Variants in ZBTB2 observed in about 807,000 individuals in gnomAD.
The protein encoded by ZBTB2 is zinc finger and BTB domain containing 2.
A neutral mutation model predicts 39.5 loss-of-function variants in ZBTB2; 2 were observed. That is an observed-to-expected ratio of 0.05 (90% CI 0.02 to 0.16). The LOEUF (loss-of-function observed/expected upper bound fraction) is 0.16, where lower values mean the gene tolerates loss of function less well. ZBTB2 is among the 10% of genes least tolerant of loss of function. ZBTB2 has a pLI of 1.00. For synonymous variants in ZBTB2, 251 were observed against 256.6 expected, an observed-to-expected ratio of 0.98 and a Z score of 0.21; for missense variants, 391 against 653.0, an observed-to-expected ratio of 0.60 and a Z score of 4.37.
intron 2 of ZBTB2, among the ~76,000 whole-genome samples, chr6:151,373,083 A>T (rs1329468850): frequency 7.6e-6 from 1 of 131,478 alleles, no homozygotes; most frequent in Admixed American, 9.1e-5. Context: ...TGAACCCGGG[A>T]GGCGGAGCTT....
chr6:151,370,975 G>A (rs1778776773), intron 2 of ZBTB2, among the ~76,000 whole-genome samples: 2 of 152,142 alleles, frequency 1.3e-5, no homozygotes, highest in African/African-American at 4.8e-5. Flanking sequence ...TTAAAGGTGG[G>A]TTTCTTGCAT....
intron 1 of ZBTB2, among the ~76,000 whole-genome samples, chr6:151,376,739 C>T (rs919908556): frequency 6.6e-6 from 1 of 152,140 alleles, no homozygotes; most frequent in Non-Finnish European, 1.5e-5. Flanking sequence ...TCATACACTG[C>T]TGGTAGGAAT....
intron 1 of ZBTB2, among the ~76,000 whole-genome samples, chr6:151,387,703 T>G (rs1779191314): frequency 6.6e-6 from 1 of 152,236 alleles, no homozygotes; most frequent in Admixed American, 6.5e-5. Flanking sequence ...CATAAAAGTA[T>G]TTTTCAAATT....
At chr6:151,375,635 C>A (rs2114865079) in intron 1 of ZBTB2, among the ~76,000 whole-genome samples, 1 of 152,338 alleles carries the variant, frequency 6.6e-6, no homozygotes, top group African/African-American at 2.4e-5. Context: ...CAGCTCACTG[C>A]AACCTCCATC....
intron 1 of ZBTB2, among the ~76,000 whole-genome samples, 189 bp downstream of exon 1, chr6:151,391,231 C>T (rs1779299943): frequency 6.6e-6 from 1 of 151,650 alleles, no homozygotes; most frequent in Non-Finnish European, 1.5e-5. Context: ...CCCCGAGTGG[C>T]CCGGGCCTTC....
intron 1 of ZBTB2, among the ~76,000 whole-genome samples, chr6:151,390,196 G>T (rs1005785703): frequency 6.6e-6 from 1 of 151,858 alleles, no homozygotes; most frequent in Non-Finnish European, 1.5e-5. Flanking sequence ...CAGCCTCAGC[G>T]AGCAGGCGAC....
At chr6:151,380,195 C>T (rs917546251) in intron 1 of ZBTB2, among the ~76,000 whole-genome samples, 2 of 151,652 alleles carry the variant, frequency 1.3e-5, no homozygotes, top group African/African-American at 4.8e-5. Flanking sequence ...TCAAAATTCA[C>T]GAGGGGGAAA....
At chr6:151,379,129 C>A (rs1277000896) in intron 1 of ZBTB2, among the ~76,000 whole-genome samples, 1 of 152,184 alleles carries the variant, frequency 6.6e-6, no homozygotes, top group African/African-American at 2.4e-5. Flanking sequence ...ATTATGGACA[C>A]ACAAAATGTG....
chr6:151,373,419 T>C, intron 2 of ZBTB2, 46 bp downstream of exon 2: 1 of 1,606,122 alleles, frequency 6.2e-7, no homozygotes, highest in Non-Finnish European at 8.5e-7. Flanking sequence ...GACATGGAGG[T>C]TAAGAAGTCT....
chr6:151,373,690 A>G (rs1236060473), intron 1 of ZBTB2, 41 bp from the exon 2 acceptor site: 1 of 1,572,480 alleles, frequency 6.4e-7, no homozygotes, highest in African/African-American at 1.4e-5. Flanking sequence ...GGTGATTCAC[A>G]AATAAGAATG....
intron 2 of ZBTB2, among the ~76,000 whole-genome samples, chr6:151,371,040 C>T (rs1181334067): frequency 6.6e-6 from 1 of 152,224 alleles, no homozygotes; most frequent in African/African-American, 2.4e-5. Context: ...AAAATTGCCT[C>T]CTTTTCAATA....
At chr6:151,371,304 A>G (rs951384228) in intron 2 of ZBTB2, among the ~76,000 whole-genome samples, 1 of 152,352 alleles carries the variant, frequency 6.6e-6, no homozygotes, top group South Asian at 2.1e-4. Context: ...CAAGAAACTT[A>G]CAAGTGAAGA....
At chr6:151,373,843 T>TAAAAAAAAAAAAAAAAAAAA (rs200070063) in intron 1 of ZBTB2, among the ~76,000 whole-genome samples, 194 bp from the exon 2 acceptor site, 1 of 45,958 alleles carries the variant, frequency 2.2e-5, no homozygotes, top group Non-Finnish European at 4.5e-5. Context: ...ATTATGCCTT[T>TAAAAAAAAAAAAAAAAAAAA]AAAAAAAAAA....
intron 2 of ZBTB2, among the ~76,000 whole-genome samples, chr6:151,368,066 A>AT (rs1371230271): frequency 1.1e-4 from 17 of 152,208 alleles, no homozygotes; most frequent in Non-Finnish European, 1.2e-4. Flanking sequence ...AGAATTTATA[A>AT]TTTTCTTTTA....
intron 1 of ZBTB2, among the ~76,000 whole-genome samples, chr6:151,384,531 T>C (rs998648074): frequency 6.6e-6 from 1 of 152,192 alleles, no homozygotes; most frequent in African/African-American, 2.4e-5. Flanking sequence ...ACAGACCTGG[T>C]TGAGTCAGAT....
chr6:151,372,176 T>C (rs1015881049), intron 2 of ZBTB2, among the ~76,000 whole-genome samples: 11 of 152,058 alleles, frequency 7.2e-5, no homozygotes, highest in African/African-American at 2.7e-4. Context: ...ACAAGAGATA[T>C]TCAGCTATAA....
rs748398649 is a variant in ZBTB2 at position 151,366,611 on chromosome 6, G to C, written c.455C>G (p.Pro152Arg). The change falls in exon 3 of 3, where the codon CCT (proline) becomes CGT (arginine). Residue 152 changes from proline (P) to arginine (R), a missense_variant. Pro to Arg is a moderately radical substitution (Grantham distance 103). Coordinates refer to ENST00000325144, the MANE Select transcript of ZBTB2 (RefSeq NM_020861.3). The surrounding 1 kb of genome is among the most constrained non-coding windows in gnomAD (Gnocchi z 7.1). ...LRQATKIASAPEKLGRDPRPQ... is the reference protein window; with the variant it reads ...LRQATKIASAREKLGRDPRPQ... ...CCGTGGATCTCGCCCGAGTTTTTCA[G>C]GTGCTGAAGCAATCTTGGTGGCTTG... 6.2e-7 allele frequency: 1 copy of C among 1,614,144 alleles called. No individual in the cohort carries two copies. Among genetic ancestry groups the C allele is most frequent in the Admixed American group, 1.7e-5 (1 of 60,018 alleles).
Position 151,365,828 on chromosome 6 carries a change from T to G in ZBTB2, c.1238A>C (p.Gln413Pro). The G allele has an allele frequency of 1.2e-6, 2 of 1,614,234 alleles. No homozygotes were observed. The highest frequency in any genetic ancestry group is 1.7e-6 in the Non-Finnish European group (2 of 1,180,036). Residue 413 changes from glutamine to proline, a missense_variant, in exon 3 of 3, where the codon CAG becomes CCG. Gln to Pro is a moderately conservative substitution (Grantham distance 76). Around this residue, in one of 7 missense-constraint regions of ZBTB2, gnomAD observed 32 missense variants for 73.5 expected, o/e 0.44. Coordinates refer to ENST00000325144, the MANE Select transcript of ZBTB2 (RefSeq NM_020861.3). The surrounding 1 kb of genome is among the most constrained non-coding windows in gnomAD (Gnocchi z 5.6). ...NQAARHVCLN[Q>P]SIDTYTMVDK... Reference sequence around the variant, plus strand: ...CACCATGGTGTAAGTGTCGATGCTCTGGTTGAGGCACACGTGGCGGGCAGC... The same window carrying G: ...CACCATGGTGTAAGTGTCGATGCTCGGGTTGAGGCACACGTGGCGGGCAGC...
chr6:151,375,320 G>C (rs1355658870), intron 1 of ZBTB2, among the ~76,000 whole-genome samples: 2 of 152,056 alleles, frequency 1.3e-5, no homozygotes, highest in African/African-American at 2.4e-5. Context: ...ACATGTGCAG[G>C]ACTTGCATGT....
Sources: gnomAD v4.1 joint callset for allele counts (sites outside exome capture counted in the v4.1 genomes callset) on GRCh38, gnomAD v4.1.1 for gene constraint, gnomAD v4.1.1 regional missense constraint, Gnocchi (gnomAD v3.1) non-coding constraint, MANE v1.5 for transcripts, NCBI Gene and HGNC (gene_info 2026-07-23, HGNC 2026-07-21) for gene names.